GRIP1: variants seen among roughly 807,000 people sequenced by gnomAD.
GRIP1 encodes the protein glutamate receptor interacting protein 1.
In GRIP1, 45 loss-of-function variants were observed where a neutral mutation model predicts 129.9. That is an observed-to-expected ratio of 0.35 (90% CI 0.27 to 0.44). The LOEUF (loss-of-function observed/expected upper bound fraction) is 0.44. GRIP1 is among the 20% of genes least tolerant of loss of function. GRIP1 has a pLI of 1.00. For missense variants in GRIP1, 1,196 were observed against 1,396.8 expected (o/e 0.86, Z 2.29); for synonymous variants, 530 against 520.8 (o/e 1.02, Z -0.24).
intron 2 of GRIP1, among the ~76,000 whole-genome samples, chr12:66,579,552 A>G (rs2063288349): frequency 6.6e-6 from 1 of 152,222 alleles, no homozygotes; most frequent in African/African-American, 2.4e-5. Flanking sequence ...CAATACAGAG[A>G]AGTGCTTAAA....
chr12:66,572,606 G>A (rs189984064), intron 2 of GRIP1, among the ~76,000 whole-genome samples: 2 of 152,276 alleles, frequency 1.3e-5, no homozygotes, highest in East Asian at 3.9e-4. Flanking sequence ...AGGAGGAGGG[G>A]GCAGTTGGTT....
intron 2 of GRIP1, among the ~76,000 whole-genome samples, chr12:66,555,086 C>A (rs533506778): frequency 1.3e-5 from 2 of 152,118 alleles, no homozygotes; most frequent in Admixed American, 1.3e-4. Flanking sequence ...TTACAGCAGG[C>A]CTTAGGTGAG....
At chr12:66,440,243 A>G (rs1226489727) in intron 13 of GRIP1, among the ~76,000 whole-genome samples, 1 of 152,180 alleles carries the variant, frequency 6.6e-6, no homozygotes. Context: ...CAAGTATGCA[A>G]TGCACAATAA....
chr12:66,569,016 A>T, intron 2 of GRIP1: 1 of 449,242 alleles, frequency 2.2e-6, no homozygotes, highest in Non-Finnish European at 4.4e-6. Flanking sequence ...CGTGCTTCTC[A>T]GCATTATTCT....
intron 2 of GRIP1, among the ~76,000 whole-genome samples, chr12:66,566,330 G>GT (rs1223332205): frequency 2.0e-5 from 3 of 152,050 alleles, no homozygotes; most frequent in Non-Finnish European, 2.9e-5. Flanking sequence ...TTAGCATGAA[G>GT]GTTGTTGAAT....
At chr12:66,391,243 T>A (rs1001287042) in intron 19 of GRIP1, among the ~76,000 whole-genome samples, 1 of 152,192 alleles carries the variant, frequency 6.6e-6, no homozygotes, top group Non-Finnish European at 1.5e-5. Flanking sequence ...TTTGACTGAC[T>A]GAAACCCAGA....
intron 6 of GRIP1, among the ~76,000 whole-genome samples, chr12:66,517,020 C>T (rs939538268): frequency 1.3e-5 from 2 of 152,176 alleles, no homozygotes; most frequent in East Asian, 3.8e-4. Flanking sequence ...GCCCTCAGAA[C>T]AGTCCCTAGC....
intron 1 of GRIP1, among the ~76,000 whole-genome samples, chr12:66,968,285 T>C (rs1333275259): frequency 1.3e-5 from 2 of 152,180 alleles, no homozygotes; most frequent in Non-Finnish European, 2.9e-5. Context: ...TTGATTGGTG[T>C]TAACATACTG....
intron 1 of GRIP1, among the ~76,000 whole-genome samples, chr12:66,972,593 C>G (rs1396642773): frequency 1.3e-5 from 2 of 152,174 alleles, no homozygotes; most frequent in South Asian, 4.1e-4. Context: ...TGGTGGACCA[C>G]CTAGCTCTAA....
At chr12:66,539,762 C>T (rs7300413) in intron 3 of GRIP1, among the ~76,000 whole-genome samples, 62,484 of 151,710 alleles carry the variant, frequency 0.41, 13,103 homozygotes, top group South Asian at 0.5. Flanking sequence ...TTATTGCTTA[C>T]AGCAGGATTG....
chr12:66,529,575 GAGCTA>G (rs1258599315), intron 5 of GRIP1, among the ~76,000 whole-genome samples: 1 of 152,154 alleles, frequency 6.6e-6, no homozygotes, highest in Non-Finnish European at 1.5e-5. Context: ...TCGTAAGTAG[GAGCTA>G]AGCTATGAGA....
intron 1 of GRIP1, among the ~76,000 whole-genome samples, chr12:66,991,951 G>C (rs1375724728): frequency 6.6e-6 from 1 of 152,124 alleles, no homozygotes; most frequent in Non-Finnish European, 1.5e-5. Context: ...TCACAGAACA[G>C]GACACATTGA....
chr12:66,619,471 T>C (rs1434662267), intron 1 of GRIP1, among the ~76,000 whole-genome samples: 1 of 152,106 alleles, frequency 6.6e-6, no homozygotes, highest in South Asian at 2.1e-4. Flanking sequence ...TTTTCTTTCC[T>C]CTTAGTGGCA....
intron 1 of GRIP1, among the ~76,000 whole-genome samples, chr12:66,824,697 C>T (rs561408090): frequency 7.2e-5 from 11 of 152,236 alleles, no homozygotes; most frequent in African/African-American, 2.4e-4. Context: ...GAAAAGGCCA[C>T]TCGAAGTGAA....
chr12:66,801,231 C>T (rs1048019527), intron 1 of GRIP1, among the ~76,000 whole-genome samples: 7 of 151,862 alleles, frequency 4.6e-5, no homozygotes, highest in South Asian at 4.2e-4. Context: ...CCAAAGCATG[C>T]GTCTGTCTAG....
chr12:66,954,433 G>C (rs901579767), intron 1 of GRIP1, among the ~76,000 whole-genome samples: 4 of 152,206 alleles, frequency 2.6e-5, no homozygotes, highest in African/African-American at 9.7e-5. Flanking sequence ...ATCCCTAGGA[G>C]AAAGATGAAT....
chr12:66,718,356 T>C (rs1278305015), intron 1 of GRIP1, among the ~76,000 whole-genome samples: 1 of 152,122 alleles, frequency 6.6e-6, no homozygotes, highest in African/African-American at 2.4e-5. Flanking sequence ...GTCTGGTTAA[T>C]ATTCAGGGTA....
At chr12:67,062,584 G>A (rs185076409) in intron 1 of GRIP1, among the ~76,000 whole-genome samples, 5 of 149,114 alleles carry the variant, frequency 3.4e-5, no homozygotes, top group South Asian at 4.2e-4. Flanking sequence ...TGCTCCCTCC[G>A]CATTAATCTG....
chr12:66,634,139 T>A (rs1264526486), intron 1 of GRIP1, among the ~76,000 whole-genome samples: 1 of 152,248 alleles, frequency 6.6e-6, no homozygotes, highest in African/African-American at 2.4e-5. Context: ...ACCTGTCACA[T>A]TTAACTTAGC....
Sources: gnomAD v4.1 joint callset for allele counts (sites outside exome capture counted in the v4.1 genomes callset) on GRCh38, gnomAD v4.1.1 for gene constraint, MANE v1.5 for transcripts, NCBI Gene and HGNC (gene_info 2026-07-23, HGNC 2026-07-21) for gene names.